SGMS1: variants seen among roughly 807,000 people sequenced by gnomAD.
SGMS1 encodes the protein sphingomyelin synthase 1, also known as phosphatidylcholine:ceramide cholinephosphotransferase 1.
A neutral mutation model predicts 46.2 loss-of-function variants in SGMS1; 13 were observed. The observed-to-expected ratio is 0.28, with a 90% CI of 0.18 to 0.45. The LOEUF (loss-of-function observed/expected upper bound fraction) is 0.45. Ranked by LOEUF, SGMS1 falls within the 20% of genes least tolerant of loss-of-function variation. The probability of loss-of-function intolerance (pLI) is 1.00; values close to 1 mark genes in which losing one functional copy is unlikely to be tolerated. For synonymous variants in SGMS1, 203 were observed against 187.8 expected, an observed-to-expected ratio of 1.08 and a Z score of -0.66; for missense variants, 324 against 519.9, an observed-to-expected ratio of 0.62 and a Z score of 3.66.
intron 2 of SGMS1, among the ~76,000 whole-genome samples, chr10:50,550,530 T>C (rs560753827): frequency 2.6e-5 from 4 of 152,290 alleles, no homozygotes; most frequent in African/African-American, 9.6e-5. Flanking sequence ...CCTTATCTTC[T>C]ACTGCCCTTC....
At chr10:50,455,296 G>A (rs1262997603) in intron 5 of SGMS1, among the ~76,000 whole-genome samples, 1 of 152,152 alleles carries the variant, frequency 6.6e-6, no homozygotes, top group Non-Finnish European at 1.5e-5. Context: ...AATATATCCT[G>A]TTATGTTTGC....
intron 3 of SGMS1, among the ~76,000 whole-genome samples, chr10:50,470,738 C>T (rs1837370971): frequency 6.6e-6 from 1 of 152,042 alleles, no homozygotes; most frequent in African/African-American, 2.4e-5. Context: ...CAATTTACAG[C>T]CAAGCATGAT....
At chr10:50,391,032 T>C (rs528472699) in intron 6 of SGMS1, among the ~76,000 whole-genome samples, 1 of 152,304 alleles carries the variant, frequency 6.6e-6, no homozygotes, top group African/African-American at 2.4e-5. Flanking sequence ...TGTCCTGGAA[T>C]AGGATGCCAA....
chr10:50,556,277 T>C (rs1838188708), intron 2 of SGMS1, among the ~76,000 whole-genome samples: 1 of 152,210 alleles, frequency 6.6e-6, no homozygotes, highest in Non-Finnish European at 1.5e-5. Flanking sequence ...GCACTGAAGA[T>C]AAAGCAGTAT....
At chr10:50,392,086 A>T (rs1354166264) in intron 6 of SGMS1, among the ~76,000 whole-genome samples, 1 of 151,982 alleles carries the variant, frequency 6.6e-6, no homozygotes, top group East Asian at 1.9e-4. Context: ...CGAGTACTAT[A>T]CTTATTACCT....
intron 6 of SGMS1, among the ~76,000 whole-genome samples, chr10:50,399,066 C>G (rs1848892167): frequency 6.6e-6 from 1 of 151,810 alleles, no homozygotes; most frequent in South Asian, 2.1e-4. Context: ...CTTTTAAGAA[C>G]CGATGGAAAT....
chr10:50,334,924 A>G (rs1403425534), intron 7 of SGMS1: 4 of 152,250 alleles, frequency 2.6e-5, no homozygotes, highest in Non-Finnish European at 1.5e-5. Flanking sequence ...CTACCTCTGT[A>G]TGATGGGTCA....
At chr10:50,331,665 G>A (rs942471952) in intron 7 of SGMS1, among the ~76,000 whole-genome samples, 1 of 152,096 alleles carries the variant, frequency 6.6e-6, no homozygotes, top group African/African-American at 2.4e-5. Flanking sequence ...TCTACCTGTT[G>A]TCCTTAACAC....
intron 6 of SGMS1, among the ~76,000 whole-genome samples, chr10:50,389,006 C>T (rs1848726171): frequency 1.3e-5 from 2 of 151,914 alleles, no homozygotes; most frequent in African/African-American, 2.4e-5. Context: ...CTCCTTTTGC[C>T]ACAAAAACAA....
intron 6 of SGMS1, 39 bp from the exon 7 acceptor site, chr10:50,344,384 C>T (rs1018923343): frequency 7.4e-6 from 3 of 407,148 alleles, no homozygotes; most frequent in African/African-American, 5.9e-5. Flanking sequence ...GCTGTACTTC[C>T]AAATTACCCC....
intron 2 of SGMS1, among the ~76,000 whole-genome samples, chr10:50,554,134 C>T (rs985815990): frequency 5.3e-5 from 8 of 152,106 alleles, no homozygotes; most frequent in African/African-American, 1.7e-4. Context: ...TATGGGATCA[C>T]CATTAGTCAA....
At position 50,487,461 on chromosome 10, in the gene SGMS1, C is replaced by T. The variant is rs114579168; in HGVS notation, c.-497-20529G>A. 9.4e-3 allele frequency among the ~76,000 whole-genome samples: 1,424 copies of T among 152,296 alleles called. 27 individuals are homozygous for T. The highest frequency in any genetic ancestry group is 0.033 in the African/African-American group (1,359 of 41,558). On this transcript the variant is annotated intron_variant, in intron 3 of 10. Coordinates refer to ENST00000361781, the MANE Select transcript of SGMS1 (RefSeq NM_147156.4). ...TGTTTGCCTATGTAACAAACATGCA[C>T]ATCCTGCACGTGTACCATGGAACTT...
chr10:50,398,891 TAAGAA>T (rs1324875807), intron 6 of SGMS1, among the ~76,000 whole-genome samples: 2 of 151,708 alleles, frequency 1.3e-5, no homozygotes, highest in Non-Finnish European at 2.9e-5. Flanking sequence ...TTCAAAAGAG[TAAGAA>T]AAGAAATACT....
chr10:50,574,372 C>T (rs1238749706), intron 2 of SGMS1, among the ~76,000 whole-genome samples: 1 of 152,068 alleles, frequency 6.6e-6, no homozygotes, highest in Non-Finnish European at 1.5e-5. Context: ...ATCCAAGTAG[C>T]CAAGAGGTTT....
Position 50,577,194 on chromosome 10 carries a change from G to T in SGMS1, c.-589+12959C>A, listed in dbSNP as rs143126564. 2.0e-5 allele frequency among the ~76,000 whole-genome samples: 3 copies of T among 152,314 alleles called. No homozygotes were observed. In the East Asian group the frequency reaches 5.8e-4, roughly 29 times the overall value. ...GCTTTAAAAGTGCACTTGTGGCAGA[G>T]GCAACAACTGTGATGATCAACGGGG... On this transcript the variant is annotated intron_variant, in intron 2 of 10. Transcript: ENST00000361781.
At chr10:50,454,066 A>AAAAG (rs1554940647) in intron 5 of SGMS1, among the ~76,000 whole-genome samples, 12 of 148,648 alleles carry the variant, frequency 8.1e-5, no homozygotes, top group South Asian at 2.1e-4. Context: ...AAAAAAAAAA[A>AAAAG]AAAGAAAGAA....
At chr10:50,447,028 G>A (rs1837027135) in intron 5 of SGMS1, among the ~76,000 whole-genome samples, 1 of 152,084 alleles carries the variant, frequency 6.6e-6, no homozygotes, top group Non-Finnish European at 1.5e-5. Context: ...CAAAGCAAAG[G>A]AAAACAAACT....
At chr10:50,451,322 G>A (rs1467298211) in intron 5 of SGMS1, among the ~76,000 whole-genome samples, 1 of 152,078 alleles carries the variant, frequency 6.6e-6, no homozygotes, top group Non-Finnish European at 1.5e-5. Flanking sequence ...TATGTTTCTG[G>A]TTCCTCTCAT....
At chr10:50,555,419 C>T in intron 2 of SGMS1, among the ~76,000 whole-genome samples, 1 of 152,182 alleles carries the variant, frequency 6.6e-6, no homozygotes, top group Non-Finnish European at 1.5e-5. Flanking sequence ...AGAAACAGGG[C>T]AGGACCTGGC....
Sources: allele counts gnomAD v4.1 joint callset (sites outside exome capture counted in the v4.1 genomes callset), GRCh38; gene constraint gnomAD v4.1.1; transcripts MANE v1.5; gene names NCBI Gene and HGNC (gene_info 2026-07-23, HGNC 2026-07-21).